LRRFIP1: variants seen among roughly 807,000 people sequenced by gnomAD.
LRRFIP1 encodes LRR binding FLII interacting protein 1.
Under a neutral mutation model 104.4 loss-of-function variants are expected in LRRFIP1, and 62 were observed. That is an observed-to-expected ratio of 0.59 (90% CI 0.48 to 0.73). LRRFIP1 has a LOEUF of 0.73. LRRFIP1 is among the 30% of genes least tolerant of loss of function. The probability of loss-of-function intolerance (pLI) is 0.00; values close to 1 mark genes in which losing one functional copy is unlikely to be tolerated. For synonymous variants in LRRFIP1, 300 were observed against 299.0 expected, an observed-to-expected ratio of 1.00 and a Z score of -0.03; for missense variants, 796 against 824.5, an observed-to-expected ratio of 0.97 and a Z score of 0.42.
At chr2:237,760,283 G>C (rs2059723026) in intron 19 of LRRFIP1, 78 bp downstream of exon 19, 2 of 1,511,308 alleles carry the variant, frequency 1.3e-6, no homozygotes, top group Non-Finnish European at 1.8e-6. Context: ...GCTGGGGTTG[G>C]AGCCACCGTC....
At chr2:237,749,384 G>T in intron 13 of LRRFIP1, 60 bp downstream of exon 13, 1 of 1,546,578 alleles carries the variant, frequency 6.5e-7, no homozygotes, top group Admixed American at 2.0e-5. Context: ...TCAGTCTTTA[G>T]ATTAAAAAAA....
chr2:237,646,878 A>G (rs6744406), intron 1 of LRRFIP1, among the ~76,000 whole-genome samples: 1 of 151,800 alleles, frequency 6.6e-6, no homozygotes, highest in Non-Finnish European at 1.5e-5. Flanking sequence ...ACAGCAGCCT[A>G]AGCAGACTGA....
chr2:237,708,061 C>T (rs1401906777), intron 1 of LRRFIP1, among the ~76,000 whole-genome samples: 1 of 152,220 alleles, frequency 6.6e-6, no homozygotes, highest in Non-Finnish European at 1.5e-5. Flanking sequence ...CAGGCCTTCA[C>T]TTTCTGCTCT....
chr2:237,746,521 C>T (rs75485211), intron 11 of LRRFIP1, among the ~76,000 whole-genome samples: 2,494 of 152,284 alleles, frequency 0.016, 18 homozygotes, highest in Non-Finnish European at 0.025. Context: ...AGTCTGCCTT[C>T]GTATCTGTCC....
At chr2:237,683,042 A>G (rs1342820794) in intron 1 of LRRFIP1, among the ~76,000 whole-genome samples, 3 of 152,212 alleles carry the variant, frequency 2.0e-5, no homozygotes, top group Non-Finnish European at 4.4e-5. Context: ...TGGTGGGTGG[A>G]GCCAGGAACG....
At chr2:237,688,989 C>T (rs550888373) in intron 1 of LRRFIP1, among the ~76,000 whole-genome samples, 41 of 149,900 alleles carry the variant, frequency 2.7e-4, no homozygotes, top group African/African-American at 1.0e-3. Context: ...CCTTCCCATG[C>T]GTCAAGTTTG....
rs75445706 is a variant in LRRFIP1, at chr2:237,777,437, C to T, written c.1813-1985C>T. On this transcript the variant is annotated intron_variant, in intron 23 of 23. Transcript: ENST00000308482. ...CCCTGTTTTTGTTTGTACATGTTTTCGTTTCATCCTTGTTCTTGGACAGTA... is the reference window on the plus strand; with the variant it reads ...CCCTGTTTTTGTTTGTACATGTTTTTGTTTCATCCTTGTTCTTGGACAGTA... Among the ~76,000 whole-genome samples, 1,029 of 152,160 alleles carry T rather than the reference C, an allele frequency of 6.8e-3. 14 individuals are homozygous for T. Among genetic ancestry groups the T allele is most frequent in the African/African-American group, 0.024 (982 of 41,506 alleles).
chr2:237,753,527 G>C, intron 15 of LRRFIP1, 48 bp downstream of exon 15: 1 of 1,459,500 alleles, frequency 6.9e-7, no homozygotes, highest in South Asian at 1.4e-5. Flanking sequence ...TGCGTGCAGT[G>C]GCCCATGCCT....
At chr2:237,683,359 G>A (rs1332755790) in intron 1 of LRRFIP1, 11 of 152,218 alleles carry the variant, frequency 7.2e-5, no homozygotes, top group Admixed American at 5.9e-4. Context: ...TAAAGGTGAC[G>A]TGGTCAGGAG....
chr2:237,685,104 A>AC (rs755385140), intron 1 of LRRFIP1, among the ~76,000 whole-genome samples: 251 of 17,318 alleles, frequency 0.014, 4 homozygotes, highest in African/African-American at 0.041. Flanking sequence ...TTGTCTCCCT[A>AC]CCCTCCCCCC....
At chr2:237,687,262 ATT>A (rs2092438708) in intron 1 of LRRFIP1, among the ~76,000 whole-genome samples, 1 of 152,224 alleles carries the variant, frequency 6.6e-6, no homozygotes, top group East Asian at 1.9e-4. Flanking sequence ...TCAAGTGATC[ATT>A]TCATGAGCCA....
chr2:237,713,962 T>C (rs527469619), intron 2 of LRRFIP1, among the ~76,000 whole-genome samples: 2 of 152,372 alleles, frequency 1.3e-5, no homozygotes, highest in Admixed American at 6.5e-5. Flanking sequence ...GGAAGTACTT[T>C]TTCTCATTGA....
chr2:237,764,592 A>G, intron 19 of LRRFIP1: 3 of 996,948 alleles, frequency 3.0e-6, no homozygotes, highest in Non-Finnish European at 3.6e-6. Flanking sequence ...GTGTACTTTC[A>G]TATTTGATTT....
intron 11 of LRRFIP1, among the ~76,000 whole-genome samples, chr2:237,740,954 C>T (rs916284619): frequency 3.9e-5 from 6 of 152,196 alleles, no homozygotes; most frequent in Admixed American, 3.3e-4. Flanking sequence ...GGCATTGCAA[C>T]GCCAGCGCCT....
At chr2:237,628,349 GT>G (rs2081887227) in intron 1 of LRRFIP1, among the ~76,000 whole-genome samples, 1 of 152,200 alleles carries the variant, frequency 6.6e-6, no homozygotes, top group East Asian at 1.9e-4. Flanking sequence ...CCTGGACAGA[GT>G]TTATTGTAAC....
intron 7 of LRRFIP1, among the ~76,000 whole-genome samples, chr2:237,726,126 T>TA (rs776315225): frequency 1.3e-5 from 2 of 152,196 alleles, no homozygotes; most frequent in Non-Finnish European, 2.9e-5. Context: ...TTAGTCTGAG[T>TA]AAAACTCTTG....
chr2:237,640,907 G>A (rs1050952607), intron 1 of LRRFIP1, among the ~76,000 whole-genome samples: 4 of 152,134 alleles, frequency 2.6e-5, no homozygotes, highest in African/African-American at 9.7e-5. Context: ...CAAAAGGCGT[G>A]CATCTCAGCC....
intron 10 of LRRFIP1, among the ~76,000 whole-genome samples, chr2:237,736,352 A>G (rs920740499): frequency 6.6e-6 from 1 of 152,248 alleles, no homozygotes; most frequent in Non-Finnish European, 1.5e-5. Context: ...CCCAGTTGGT[A>G]AACATTTTCA....
chr2:237,674,380 T>C (rs535927716), intron 1 of LRRFIP1, among the ~76,000 whole-genome samples: 5 of 152,316 alleles, frequency 3.3e-5, no homozygotes, highest in South Asian at 2.1e-4. Context: ...CATTCAGAAA[T>C]AGGCAAAATG....
Sources: allele counts gnomAD v4.1 joint callset (sites outside exome capture counted in the v4.1 genomes callset), GRCh38; gene constraint gnomAD v4.1.1; transcripts MANE v1.5; gene names NCBI Gene and HGNC (gene_info 2026-07-23, HGNC 2026-07-21).